Variants in RALGAPB observed in about 807,000 individuals in gnomAD.
RALGAPB encodes the protein ral GTPase-activating protein subunit beta.
A neutral mutation model predicts 161.1 loss-of-function variants in RALGAPB; 25 were observed. That is an observed-to-expected ratio of 0.16 (90% confidence interval 0.11 to 0.22). The LOEUF is 0.22. Ranked by LOEUF, RALGAPB falls within the 10% of genes least tolerant of loss-of-function variation. RALGAPB has a pLI of 1.00. For synonymous variants in RALGAPB, 629 were observed against 626.1 expected, an observed-to-expected ratio of 1.00 and a Z score of -0.07; for missense variants, 1,391 against 1,815.2, an observed-to-expected ratio of 0.77 and a Z score of 4.25.
chr20:38,549,581 C>CAT (rs1044364945), intron 20 of RALGAPB, among the ~76,000 whole-genome samples: 1 of 76,820 alleles, frequency 1.3e-5, no homozygotes, highest in African/African-American at 2.8e-5. Flanking sequence ...CACACACATA[C>CAT]ATATACACAC....
intron 16 of RALGAPB, chr20:38,537,711 T>C (rs2086849802): frequency 6.6e-6 from 1 of 152,212 alleles, no homozygotes; most frequent in African/African-American, 2.4e-5. Context: ...TAAAGAACTC[T>C]CAGGACTCAA....
intron 16 of RALGAPB, among the ~76,000 whole-genome samples, chr20:38,538,699 A>C (rs776993936): frequency 3.9e-5 from 6 of 152,210 alleles, no homozygotes; most frequent in Non-Finnish European, 7.3e-5. Context: ...GGGAAATTCA[A>C]TTAAAACCAT....
At chr20:38,525,615 A>C (rs183530751) in intron 12 of RALGAPB, 97 bp downstream of exon 12, 2 of 975,460 alleles carry the variant, frequency 2.1e-6, no homozygotes, top group Non-Finnish European at 3.1e-6. Flanking sequence ...AGCTTTTTTT[A>C]TTTTTCAATT....
intron 3 of RALGAPB, among the ~76,000 whole-genome samples, chr20:38,494,833 A>G (rs146646716): frequency 3.9e-5 from 6 of 152,308 alleles, no homozygotes; most frequent in Non-Finnish European, 8.8e-5. Context: ...TTGTAAGCCT[A>G]CTACCTTTCA....
chr20:38,569,559 G>A (rs1725399972), intron 26 of RALGAPB: 3 of 206,412 alleles, frequency 1.5e-5, no homozygotes, highest in Non-Finnish European at 3.0e-5. Flanking sequence ...CTGCTTTCTG[G>A]CCCTAACAGA....
intron 6 of RALGAPB, among the ~76,000 whole-genome samples, chr20:38,515,776 G>A (rs1568931695): frequency 6.6e-6 from 1 of 151,450 alleles, no homozygotes; most frequent in African/African-American, 2.4e-5. Flanking sequence ...CTGTTGCTCA[G>A]GCTGGAATGC....
chr20:38,492,429 T>C lies in RALGAPB; in HGVS notation c.187-501T>C, dbSNP rs1012107165. Among the ~76,000 whole-genome samples the C allele has an allele frequency of 4.5e-4, 68 of 149,924 alleles. 1 individual carries two copies. Among genetic ancestry groups the C allele is most frequent in the African/African-American group, 1.6e-3 (65 of 41,006 alleles). The stretch of plus-strand genomic sequence containing the variant: ...TCTTCATTTTAAGTATTATTATTAT[T>C]TTTTTTTTTGGCAGAGAACAGTTGT... On this transcript the variant is annotated intron_variant, in intron 2 of 29. Transcript: ENST00000262879.
At chr20:38,526,150 C>A in intron 13 of RALGAPB, 108 bp downstream of exon 13, 1 of 1,246,692 alleles carries the variant, frequency 8.0e-7, no homozygotes, top group Non-Finnish European at 1.1e-6. Context: ...TGTAGCTCTA[C>A]TTACTCTGAA....
intron 23 of RALGAPB, among the ~76,000 whole-genome samples, chr20:38,559,084 C>T (rs540177524): frequency 1.1e-3 from 171 of 152,250 alleles, no homozygotes; most frequent in Admixed American, 2.4e-3. Flanking sequence ...TCTTTTGACC[C>T]TTAAGGAATG....
chr20:38,568,723 T>C (rs2088108615), intron 26 of RALGAPB: 1 of 152,176 alleles, frequency 6.6e-6, no homozygotes, highest in Non-Finnish European at 1.5e-5. Flanking sequence ...GGGCAAAATT[T>C]TAAGGTAACC....
At chr20:38,531,599 C>T (rs1385999961) in intron 14 of RALGAPB, among the ~76,000 whole-genome samples, 1 of 152,300 alleles carries the variant, frequency 6.6e-6, no homozygotes, top group African/African-American at 2.4e-5. Context: ...CCCATCAATT[C>T]TTTCTAACCC....
chr20:38,512,026 T>G (rs1204183081), intron 6 of RALGAPB, among the ~76,000 whole-genome samples: 2 of 152,238 alleles, frequency 1.3e-5, no homozygotes, highest in African/African-American at 4.8e-5. Flanking sequence ...TTTCTTTTTT[T>G]AGAATTTTGC....
At chr20:38,505,595 A>G (rs961045799) in intron 5 of RALGAPB, among the ~76,000 whole-genome samples, 5 of 152,212 alleles carry the variant, frequency 3.3e-5, no homozygotes, top group Admixed American at 3.3e-4. Flanking sequence ...TGGTGAAGGC[A>G]CAGATAAATT....
At chr20:38,546,205 C>T (rs1056169213) in intron 18 of RALGAPB, 38 bp from the exon 19 acceptor site, 2 of 1,610,462 alleles carry the variant, frequency 1.2e-6, no homozygotes, top group Admixed American at 1.7e-5. Context: ...GAAGATTTTG[C>T]TTTGGGAATT....
rs1331292532 is a variant in RALGAPB at position 38,548,685 on chromosome 20, C to T, written c.2903-4C>T. The T allele has an allele frequency of 3.7e-6, 6 of 1,603,684 alleles. No homozygotes were observed. In the South Asian group the frequency reaches 4.4e-5, roughly 12 times the overall value. On this transcript the variant is annotated splice_polypyrimidine_tract_variant and splice_region_variant and intron_variant, in intron 19 of 29. Coordinates refer to ENST00000262879, the MANE Select transcript of RALGAPB (RefSeq NM_020336.4). Reference sequence around the variant, plus strand: ...AAAACTTTTATATACATATTTTATTCTAGATGATTTTTTCCCCTCTGTCAC... The same window carrying T: ...AAAACTTTTATATACATATTTTATTTTAGATGATTTTTTCCCCTCTGTCAC...
chr20:38,509,804 G>T (rs2085878790), intron 6 of RALGAPB, among the ~76,000 whole-genome samples: 1 of 151,920 alleles, frequency 6.6e-6, no homozygotes, highest in Non-Finnish European at 1.5e-5. Context: ...TTTTTTCCTT[G>T]CATATCTTCT....
Position 38,553,855 on chromosome 20 carries a change from G to C in RALGAPB, c.3163-12G>C. On this transcript the variant is annotated splice_polypyrimidine_tract_variant and intron_variant, in intron 21 of 29. Coordinates refer to ENST00000262879, the MANE Select transcript of RALGAPB (RefSeq NM_020336.4). ...AATAGTTTCAAAAAATGAAATATTT[G>C]GTTTATTACAGTTAGAAGAGAGACA... The C allele has an allele frequency of 1.3e-6, 2 of 1,516,542 alleles. No homozygotes were observed. Among genetic ancestry groups the C allele is most frequent in the Non-Finnish European group, 1.8e-6 (2 of 1,108,490 alleles). 93.9% of individuals were successfully genotyped at this position (1,516,542 alleles called of 1,614,324 possible).
intron 27 of RALGAPB, 117 bp downstream of exon 27, chr20:38,570,113 C>A: frequency 1.3e-6 from 1 of 760,890 alleles, no homozygotes; most frequent in Non-Finnish European, 2.2e-6. Context: ...TCCTGGAGTT[C>A]AGCAAGCCTT....
intron 24 of RALGAPB, among the ~76,000 whole-genome samples, chr20:38,563,991 A>G (rs1452730462): frequency 6.6e-6 from 1 of 152,188 alleles, no homozygotes; most frequent in Non-Finnish European, 1.5e-5. Context: ...ATCCGGAACT[A>G]TATGGCGATT....
Sources: gnomAD v4.1 joint callset for allele counts (sites outside exome capture counted in the v4.1 genomes callset) on GRCh38, gnomAD v4.1.1 for gene constraint, MANE v1.5 for transcripts, NCBI Gene and HGNC (gene_info 2026-07-23, HGNC 2026-07-21) for gene names.